The following DGKB variants were observed in gnomAD, a reference collection of about 807,000 sequenced individuals.
DGKB encodes diacylglycerol kinase beta, also known as 90 kDa diacylglycerol kinase.
In DGKB, 67 loss-of-function variants were observed where a neutral mutation model predicts 114.3. The ratio of observed to expected loss-of-function variants is 0.59; its 90% CI spans 0.48 to 0.72. DGKB has a LOEUF of 0.72. Ranked by LOEUF, DGKB falls within the 30% of genes least tolerant of loss-of-function variation. The probability of loss-of-function intolerance (pLI) is 0.00; values close to 1 mark genes in which losing one functional copy is unlikely to be tolerated. For missense variants in DGKB, 907 were observed against 975.2 expected, an observed-to-expected ratio of 0.93 and a Z score of 0.93; for synonymous variants, 398 against 323.1, an observed-to-expected ratio of 1.23 and a Z score of -2.49.
intron 2 of DGKB, among the ~76,000 whole-genome samples, chr7:14,777,295 T>A (rs1489843671): frequency 6.6e-6 from 1 of 152,038 alleles, no homozygotes; most frequent in Non-Finnish European, 1.5e-5. Flanking sequence ...GAGTTAAGAC[T>A]TTGGGGGACT....
chr7:14,321,116 C>A (rs906661402), intron 23 of DGKB, among the ~76,000 whole-genome samples: 1 of 151,898 alleles, frequency 6.6e-6, no homozygotes, highest in Non-Finnish European at 1.5e-5. Context: ...CATGGCAAAT[C>A]CCTGTCCCTA....
At chr7:14,281,791 T>A (rs1800001545) in intron 23 of DGKB, among the ~76,000 whole-genome samples, 1 of 151,194 alleles carries the variant, frequency 6.6e-6, no homozygotes, top group African/African-American at 2.4e-5. Context: ...AAGGCAGAAA[T>A]AAAGATGTTC....
At chr7:14,738,711 T>A (rs1832105270) in intron 4 of DGKB, among the ~76,000 whole-genome samples, 1 of 152,218 alleles carries the variant, frequency 6.6e-6, no homozygotes, top group South Asian at 2.1e-4. Flanking sequence ...TTCATATGCA[T>A]TTAACAAACC....
chr7:14,769,114 A>G (rs868322151), intron 2 of DGKB, among the ~76,000 whole-genome samples: 2 of 125,800 alleles, frequency 1.6e-5, no homozygotes, highest in African/African-American at 7.3e-5. Context: ...AGAAAGAAAG[A>G]AAGAAAGAAA....
chr7:14,167,459 A>C (rs10950511), intron 25 of DGKB, among the ~76,000 whole-genome samples: 130,554 of 152,028 alleles, frequency 0.86, 56,042 homozygotes, highest in East Asian at 0.93. Context: ...GCCTTGGATT[A>C]TTGGTCAGAG....
intron 15 of DGKB, among the ~76,000 whole-genome samples, chr7:14,620,762 T>G (rs1297789037): frequency 6.6e-6 from 1 of 151,804 alleles, no homozygotes; most frequent in Non-Finnish European, 1.5e-5. Flanking sequence ...AATGCTATTC[T>G]TGATGCCACA....
intron 2 of DGKB, among the ~76,000 whole-genome samples, chr7:14,821,415 C>T (rs1023295611): frequency 1.3e-5 from 2 of 151,950 alleles, no homozygotes; most frequent in African/African-American, 4.8e-5. Flanking sequence ...AGAAAATGAA[C>T]AGGGTATTGA....
chr7:14,196,412 C>G (rs912348597), intron 23 of DGKB, among the ~76,000 whole-genome samples: 10 of 152,050 alleles, frequency 6.6e-5, no homozygotes, highest in Admixed American at 6.6e-5. Flanking sequence ...CAAGTTAGTA[C>G]AGTTTAGTAT....
intron 20 of DGKB, among the ~76,000 whole-genome samples, chr7:14,550,502 T>C (rs1431489248): frequency 6.6e-6 from 1 of 152,176 alleles, no homozygotes; most frequent in African/African-American, 2.4e-5. Context: ...AGAAAGCATC[T>C]TCCAAAAGGA....
chr7:14,181,392 C>A (rs1252431436), intron 23 of DGKB, among the ~76,000 whole-genome samples: 1 of 152,116 alleles, frequency 6.6e-6, no homozygotes, highest in Non-Finnish European at 1.5e-5. Context: ...GCATTAATTC[C>A]ACAGTGTATG....
intron 1 of DGKB, among the ~76,000 whole-genome samples, chr7:14,857,625 AT>A (rs1031598872): frequency 6.6e-6 from 1 of 152,246 alleles, no homozygotes; most frequent in South Asian, 2.1e-4. Flanking sequence ...CACTAAACAT[AT>A]TTTTATGTGC....
At chr7:14,394,458 T>C (rs1318970970) in intron 21 of DGKB, among the ~76,000 whole-genome samples, 2 of 152,198 alleles carry the variant, frequency 1.3e-5, no homozygotes, top group Non-Finnish European at 2.9e-5. Context: ...TTAAATATTT[T>C]TGTTCTTTTG....
intron 2 of DGKB, among the ~76,000 whole-genome samples, chr7:14,772,946 G>A (rs190289885): frequency 2.8e-3 from 408 of 148,004 alleles, no homozygotes; most frequent in African/African-American, 9.6e-3. Context: ...TCTTTTCACC[G>A]CTGTACCTCA....
intron 13 of DGKB, among the ~76,000 whole-genome samples, chr7:14,631,445 C>T (rs140590805): frequency 2.0e-5 from 3 of 152,004 alleles, no homozygotes; most frequent in Middle Eastern, 6.8e-3. Flanking sequence ...GAATACAGCT[C>T]TATTTGGAAG....
At chr7:14,427,233 G>T in intron 21 of DGKB, among the ~76,000 whole-genome samples, 1 of 151,954 alleles carries the variant, frequency 6.6e-6, no homozygotes, top group East Asian at 1.9e-4. Flanking sequence ...CCTGAACAGG[G>T]GCAAAATGCC....
At chr7:14,423,197 T>C (rs998883968) in intron 21 of DGKB, among the ~76,000 whole-genome samples, 3 of 152,050 alleles carry the variant, frequency 2.0e-5, no homozygotes, top group Non-Finnish European at 2.9e-5. Flanking sequence ...TGCTAGACAA[T>C]AGTCAGCATA....
intron 17 of DGKB, among the ~76,000 whole-genome samples, chr7:14,595,614 A>T (rs981648138): frequency 5.1e-4 from 76 of 150,088 alleles, no homozygotes; most frequent in African/African-American, 1.8e-3. Context: ...ATATGTATAA[A>T]TAAATACTTA....
At chr7:14,765,747 C>G (rs1836353777) in intron 2 of DGKB, among the ~76,000 whole-genome samples, 1 of 151,856 alleles carries the variant, frequency 6.6e-6, no homozygotes, top group African/African-American at 2.4e-5. Context: ...GTATACTTGC[C>G]TTCGAGCCAC....
chr7:14,866,205 T>A (rs750990569), intron 1 of DGKB, among the ~76,000 whole-genome samples: 1 of 152,178 alleles, frequency 6.6e-6, no homozygotes, highest in South Asian at 2.1e-4. Flanking sequence ...TCCACTCTTT[T>A]TAAAATTCCC....
Sources: gnomAD v4.1 joint callset for allele counts (sites outside exome capture counted in the v4.1 genomes callset) on GRCh38, gnomAD v4.1.1 for gene constraint, MANE v1.5 for transcripts, NCBI Gene and HGNC (gene_info 2026-07-23, HGNC 2026-07-21) for gene names.